The following PRKG1 variants were observed in gnomAD, a reference collection of about 807,000 sequenced individuals.
The protein encoded by PRKG1 is protein kinase cGMP-dependent 1.
A neutral mutation model predicts 88.1 loss-of-function variants in PRKG1; 35 were observed. The observed-to-expected ratio is 0.40, with a 90% CI of 0.30 to 0.53. The LOEUF is 0.53. Ranked by LOEUF, PRKG1 falls within the 20% of genes least tolerant of loss-of-function variation. The pLI is 0.59. For synonymous variants in PRKG1, 303 were observed against 292.5 expected, an observed-to-expected ratio of 1.04 and a Z score of -0.37; for missense variants, 540 against 839.8, an observed-to-expected ratio of 0.64 and a Z score of 4.41.
chr10:52,170,550 C>G (rs1037959909), intron 9 of PRKG1, among the ~76,000 whole-genome samples: 4 of 152,096 alleles, frequency 2.6e-5, no homozygotes, highest in Non-Finnish European at 4.4e-5. Flanking sequence ...CCACAATCAC[C>G]CCCCTCTCCA....
intron 2 of PRKG1, among the ~76,000 whole-genome samples, chr10:51,273,933 T>A (rs1054453316): frequency 2.6e-5 from 4 of 152,238 alleles, no homozygotes; most frequent in African/African-American, 9.6e-5. Context: ...CTACGTTAAA[T>A]CCCAGATCCT....
At chr10:51,929,573 A>G (rs1381982803) in intron 5 of PRKG1, among the ~76,000 whole-genome samples, 1 of 150,674 alleles carries the variant, frequency 6.6e-6, no homozygotes, top group East Asian at 2.0e-4. Flanking sequence ...CTGGCCTTGA[A>G]CTCCTGACCT....
At chr10:51,201,278 T>G (rs1258785442) in intron 2 of PRKG1, among the ~76,000 whole-genome samples, 1 of 151,896 alleles carries the variant, frequency 6.6e-6, no homozygotes, top group African/African-American at 2.4e-5. Flanking sequence ...CTGGCCAAAC[T>G]CCATCTCAAC....
At chr10:51,531,637 C>CTTTTTT (rs34091409) in intron 3 of PRKG1, among the ~76,000 whole-genome samples, 5 of 67,854 alleles carry the variant, frequency 7.4e-5, no homozygotes, top group Non-Finnish European at 1.0e-4. Context: ...AAAAAGAATT[C>CTTTTTT]TTTTTTTTTT....
intron 3 of PRKG1, among the ~76,000 whole-genome samples, chr10:51,679,723 TG>T (rs1478749948): frequency 1.5e-4 from 17 of 113,044 alleles, no homozygotes; most frequent in East Asian, 4.3e-4. Flanking sequence ...TTTTTTTTAA[TG>T]TTTTTTTTTT....
intron 2 of PRKG1, among the ~76,000 whole-genome samples, chr10:51,281,879 G>A (rs971677281): frequency 6.6e-6 from 1 of 152,162 alleles, no homozygotes; most frequent in African/African-American, 2.4e-5. Flanking sequence ...CTGCTCATTA[G>A]AGTCACCTGT....
chr10:51,819,006 C>T (rs1373742216), intron 4 of PRKG1, among the ~76,000 whole-genome samples: 2 of 18,332 alleles, frequency 1.1e-4, no homozygotes, highest in Non-Finnish European at 1.5e-4. Flanking sequence ...GACTCCGTCT[C>T]AAAAAAAAAA....
intron 3 of PRKG1, among the ~76,000 whole-genome samples, chr10:51,802,627 A>T (rs924115139): frequency 2.6e-5 from 4 of 152,090 alleles, no homozygotes; most frequent in African/African-American, 7.2e-5. Context: ...CTAGTGGAGG[A>T]GCAGAGATTA....
chr10:51,414,130 G>T (rs1325928989), intron 2 of PRKG1, among the ~76,000 whole-genome samples: 1 of 152,190 alleles, frequency 6.6e-6, no homozygotes, highest in African/African-American at 2.4e-5. Context: ...TAATGTGTGT[G>T]CAGTGCCCAT....
chr10:51,177,293 CA>C (rs1837219996), intron 2 of PRKG1, among the ~76,000 whole-genome samples: 1 of 152,102 alleles, frequency 6.6e-6, no homozygotes, highest in Admixed American at 6.5e-5. Context: ...AATCACTGAG[CA>C]AAATGGATGA....
chr10:52,030,481 C>T (rs1845447971), intron 5 of PRKG1, among the ~76,000 whole-genome samples: 1 of 152,222 alleles, frequency 6.6e-6, no homozygotes, highest in Non-Finnish European at 1.5e-5. Context: ...TCTGCATATG[C>T]CCATTTCCTA....
chr10:51,446,566 A>T (rs1839277791), intron 2 of PRKG1, among the ~76,000 whole-genome samples: 1 of 152,074 alleles, frequency 6.6e-6, no homozygotes, highest in African/African-American at 2.4e-5. Flanking sequence ...TTGTTTTACA[A>T]TTTAAGAATA....
chr10:52,210,354 G>A (rs757530850), intron 9 of PRKG1, among the ~76,000 whole-genome samples: 7 of 150,992 alleles, frequency 4.6e-5, no homozygotes, highest in East Asian at 1.9e-4. Context: ...CTCCAGGACC[G>A]TCACAGCTGC....
At chr10:51,333,141 T>C (rs1168704718) in intron 2 of PRKG1, among the ~76,000 whole-genome samples, 2 of 152,240 alleles carry the variant, frequency 1.3e-5, no homozygotes, top group Non-Finnish European at 2.9e-5. Context: ...GAAGCTGGTA[T>C]AAGTCTACTC....
chr10:51,325,180 T>C (rs2132516769), intron 2 of PRKG1, among the ~76,000 whole-genome samples: 1 of 152,320 alleles, frequency 6.6e-6, no homozygotes, highest in East Asian at 1.9e-4. Context: ...AGCTCTTTTT[T>C]CCAGAAATAT....
In PRKG1 at chr10:51,239,041, A is replaced by G. The variant is rs368914361; in HGVS notation, c.478+85711A>G. Reference sequence around the variant, plus strand: ...TAAAGAATTTGAGGTTATAACAACTAAAAAAAATCTTTTTGGAAAATAACT... The same window carrying G: ...TAAAGAATTTGAGGTTATAACAACTGAAAAAAATCTTTTTGGAAAATAACT... On this transcript the variant is annotated intron_variant, in intron 2 of 17. Coordinates refer to ENST00000373980, the MANE Select transcript of PRKG1 (RefSeq NM_006258.4). Among the ~76,000 whole-genome samples, 66 of 150,952 alleles carry G rather than the reference A, an allele frequency of 4.4e-4. No homozygotes were observed. In the East Asian group the frequency reaches 9.3e-3, roughly 21 times the overall value.
chr10:51,374,093 A>ATATATATATATATATATATATATATAT (rs1554801054), intron 2 of PRKG1, among the ~76,000 whole-genome samples: 80 of 100,048 alleles, frequency 8.0e-4, no homozygotes, highest in Middle Eastern at 6.3e-3. Flanking sequence ...AAAAAAAAAA[A>ATATATATATATATATATATATATATAT]ATATATATAT....
intron 1 of PRKG1, among the ~76,000 whole-genome samples, chr10:51,011,912 C>T (rs1048831560): frequency 6.6e-5 from 10 of 152,154 alleles, no homozygotes; most frequent in African/African-American, 1.9e-4. Context: ...GCTGGGGAAG[C>T]CTCACAATTG....
At chr10:51,059,827 C>T (rs190904991) in intron 1 of PRKG1, among the ~76,000 whole-genome samples, 7 of 152,056 alleles carry the variant, frequency 4.6e-5, no homozygotes, top group East Asian at 1.9e-4. Context: ...AATTAACTCA[C>T]GTTTGTTAAG....
Sources: allele counts gnomAD v4.1 joint callset (sites outside exome capture counted in the v4.1 genomes callset), GRCh38; gene constraint gnomAD v4.1.1; transcripts MANE v1.5; gene names NCBI Gene and HGNC (gene_info 2026-07-23, HGNC 2026-07-21).